The following PTPRG variants were observed in gnomAD, a reference collection of about 807,000 sequenced individuals.
The protein encoded by PTPRG is receptor-type tyrosine-protein phosphatase gamma.
PTPRG carries 102 observed loss-of-function variants against 165.3 expected under a neutral mutation model. That is an observed-to-expected ratio of 0.62 (90% confidence interval 0.53 to 0.73). The LOEUF is 0.73. PTPRG is among the 30% of genes least tolerant of loss of function. The probability of loss-of-function intolerance (pLI) is 0.00; values close to 1 mark genes in which losing one functional copy is unlikely to be tolerated. For missense variants in PTPRG, 1,866 were observed against 1,861.4 expected (o/e 1.00, Z -0.05); for synonymous variants, 675 against 669.5 (o/e 1.01, Z -0.13).
At chr3:61,826,299 G>A (rs1246324873) in intron 2 of PTPRG, among the ~76,000 whole-genome samples, 2 of 152,142 alleles carry the variant, frequency 1.3e-5, no homozygotes, top group African/African-American at 2.4e-5. Context: ...GAATATCAAT[G>A]CTGATACATT....
In PTPRG at chr3:62,025,467, ACTTTT is replaced by A. The variant is rs1215073801; in HGVS notation, c.519+21974_519+21978del. ...TTTTTCTTCAGTTTTTTTGATGACTACTTTTCTTATTTTACAGTAACCAAATTTTC... is the reference window on the plus strand; with the variant it reads ...TTTTTCTTCAGTTTTTTTGATGACTACTTATTTTACAGTAACCAAATTTTC... On this transcript the variant is annotated intron_variant, in intron 4 of 29. Transcript: ENST00000474889. Among the ~76,000 whole-genome samples, 10 of 152,156 alleles carry A rather than the reference ACTTTT, an allele frequency of 6.6e-5. No individual in the cohort carries two copies. In the East Asian group the frequency reaches 1.9e-3, roughly 29 times the overall value.
intron 2 of PTPRG, among the ~76,000 whole-genome samples, chr3:61,869,838 C>T (rs376926044): frequency 1.3e-5 from 2 of 152,038 alleles, no homozygotes; most frequent in Non-Finnish European, 2.9e-5. Context: ...TGGGCTTAAG[C>T]GATCCACCCG....
chr3:61,584,573 G>GTT (rs11359920), intron 1 of PTPRG, among the ~76,000 whole-genome samples: 1 of 144,846 alleles, frequency 6.9e-6, no homozygotes. Flanking sequence ...TAAAGTTTAG[G>GTT]TTTTTTTTTT....
At chr3:61,764,116 A>G (rs1017915328) in intron 2 of PTPRG, among the ~76,000 whole-genome samples, 3 of 152,218 alleles carry the variant, frequency 2.0e-5, no homozygotes, top group African/African-American at 7.2e-5. Flanking sequence ...AGATGTGGGT[A>G]TAAGACCTTT....
chr3:61,729,873 A>T lies in PTPRG; in HGVS notation c.86-19005A>T, dbSNP rs578181411. 5.8e-4 allele frequency among the ~76,000 whole-genome samples: 89 copies of T among 152,172 alleles called. 1 individual carries two copies. Among genetic ancestry groups the T allele is most frequent in the South Asian group, 1.0e-3 (5 of 4,812 alleles). ...TCTATAGTGAATATTTATTGCTTTC[A>T]TTATCAGAAAAAGCAATAAATGCCA... On this transcript the variant is annotated intron_variant, in intron 1 of 29. Transcript: ENST00000474889.
intron 4 of PTPRG, among the ~76,000 whole-genome samples, chr3:62,077,639 T>C (rs941421011): frequency 6.6e-6 from 1 of 152,206 alleles, no homozygotes; most frequent in Non-Finnish European, 1.5e-5. Flanking sequence ...ATTGTAGTTA[T>C]GTGAAAAGAT....
chr3:62,020,914 G>A (rs2041674689), intron 4 of PTPRG, among the ~76,000 whole-genome samples: 1 of 151,358 alleles, frequency 6.6e-6, no homozygotes, highest in South Asian at 2.1e-4. Flanking sequence ...GGCTCAAGCA[G>A]TCCTTCCACC....
intron 2 of PTPRG, among the ~76,000 whole-genome samples, chr3:61,885,227 C>T (rs73842116): frequency 7.6e-4 from 116 of 152,242 alleles, no homozygotes; most frequent in African/African-American, 2.6e-3. Context: ...GAAGCAGACA[C>T]TGGGCAAAAT....
At chr3:62,259,957 G>A (rs1701644704) in intron 16 of PTPRG, among the ~76,000 whole-genome samples, 1 of 152,176 alleles carries the variant, frequency 6.6e-6, no homozygotes, top group Non-Finnish European at 1.5e-5. Context: ...AGGGAATGTG[G>A]AATCTCTCCA....
In PTPRG at chr3:62,190,649, A is replaced by G. The variant is rs1699785244; in HGVS notation, c.1034-820A>G. 6.6e-6 allele frequency among the ~76,000 whole-genome samples: 1 copy of G among 152,220 alleles called. No homozygotes were observed. Among genetic ancestry groups the G allele is most frequent in the South Asian group, 2.1e-4 (1 of 4,830 alleles). On this transcript the variant is annotated intron_variant, in intron 8 of 29. Coordinates refer to ENST00000474889, the MANE Select transcript of PTPRG (RefSeq NM_002841.4). This position sits in a 1 kb window ranked among gnomAD's most constrained non-coding sequence, Gnocchi z 5.2. ...TTCCAGAGAAAGTCATCCTTGTGTT[A>G]TGTGACTTTGCTTTAAAATTATTTA...
intron 1 of PTPRG, among the ~76,000 whole-genome samples, chr3:61,592,641 C>CTTTTTTTTTTTTTTT (rs773860673): frequency 2.1e-5 from 3 of 140,012 alleles, no homozygotes; most frequent in African/African-American, 8.5e-5. Context: ...TTCTTTCTTT[C>CTTTTTTTTTTTTTTT]TTTCTTTCTT....
intron 5 of PTPRG, among the ~76,000 whole-genome samples, chr3:62,089,697 G>A (rs1255528926): frequency 2.0e-5 from 3 of 152,164 alleles, no homozygotes; most frequent in Non-Finnish European, 2.9e-5. Flanking sequence ...ACCTCAACAA[G>A]CTGGTACAGC....
At chr3:61,870,003 TC>T (rs2037520729) in intron 2 of PTPRG, among the ~76,000 whole-genome samples, 1 of 151,958 alleles carries the variant, frequency 6.6e-6, no homozygotes, top group Non-Finnish European at 1.5e-5. Flanking sequence ...CTACGTCCCC[TC>T]CCCCTTCGAC....
At chr3:61,865,117 T>G (rs556572946) in intron 2 of PTPRG, among the ~76,000 whole-genome samples, 1 of 152,288 alleles carries the variant, frequency 6.6e-6, no homozygotes, top group Non-Finnish European at 1.5e-5. Flanking sequence ...GATGATGGTA[T>G]TTTTGTCCAG....
intron 2 of PTPRG, among the ~76,000 whole-genome samples, chr3:61,866,157 G>T (rs538040838): frequency 6.6e-6 from 1 of 152,282 alleles, no homozygotes. Context: ...CCTGCATCCA[G>T]GAATGGGCTG....
intron 2 of PTPRG, among the ~76,000 whole-genome samples, chr3:61,980,229 A>G (rs558741133): frequency 2.2e-4 from 34 of 152,280 alleles, no homozygotes; most frequent in Admixed American, 1.0e-3. Context: ...CTGACTTTTC[A>G]GAATAGTGCG....
chr3:61,736,292 TA>T (rs2032721563), intron 1 of PTPRG, among the ~76,000 whole-genome samples: 1 of 151,950 alleles, frequency 6.6e-6, no homozygotes, highest in Non-Finnish European at 1.5e-5. Context: ...CCTCTACAAG[TA>T]TCATACAGGC....
chr3:62,280,806 C>A (rs184694104), intron 26 of PTPRG, among the ~76,000 whole-genome samples: 1 of 152,082 alleles, frequency 6.6e-6, no homozygotes, highest in Admixed American at 6.6e-5. Context: ...CGGAAACAAC[C>A]TAAGTTTCCA....
intron 3 of PTPRG, among the ~76,000 whole-genome samples, chr3:62,000,824 A>G (rs569396614): frequency 2.0e-5 from 3 of 152,274 alleles, no homozygotes; most frequent in South Asian, 4.1e-4. Flanking sequence ...ATGAGTTTGG[A>G]AATAACCACC....
Sources: allele counts gnomAD v4.1 joint callset (sites outside exome capture counted in the v4.1 genomes callset), GRCh38; gene constraint gnomAD v4.1.1; non-coding constraint Gnocchi (gnomAD v3.1); transcripts MANE v1.5; gene names NCBI Gene and HGNC (gene_info 2026-07-23, HGNC 2026-07-21).